Variants in CTNNA2 observed in about 807,000 individuals in gnomAD.
The protein encoded by CTNNA2 is catenin alpha-2.
In CTNNA2, 42 loss-of-function variants were observed where a neutral mutation model predicts 101.0. The observed-to-expected ratio is 0.42, with a 90% CI of 0.32 to 0.54. The LOEUF (loss-of-function observed/expected upper bound fraction) is 0.54. Among genes scored for constraint, CTNNA2 ranks in the 20% least tolerant of loss-of-function variants. The pLI, the probability that CTNNA2 is intolerant of heterozygous loss-of-function variation, is 0.14. For synonymous variants in CTNNA2, 450 were observed against 456.4 expected (o/e 0.99, Z 0.18); for missense variants, 871 against 1,223.1 (o/e 0.71, Z 4.29).
chr2:79,884,838 G>A (rs1313825665), intron 6 of CTNNA2, among the ~76,000 whole-genome samples: 2 of 150,040 alleles, frequency 1.3e-5, no homozygotes, highest in African/African-American at 4.9e-5. Context: ...ATGTTAACAT[G>A]AGCAGTGATG....
At chr2:79,746,458 A>G (rs1460037988) in intron 3 of CTNNA2, among the ~76,000 whole-genome samples, 2 of 152,196 alleles carry the variant, frequency 1.3e-5, no homozygotes, top group Non-Finnish European at 2.9e-5. Flanking sequence ...ATGAAATCAG[A>G]ACAGACACCT....
At chr2:79,827,818 G>A (rs1368956421) in intron 3 of CTNNA2, among the ~76,000 whole-genome samples, 1 of 152,186 alleles carries the variant, frequency 6.6e-6, no homozygotes, top group Non-Finnish European at 1.5e-5. Context: ...TTATCACACT[G>A]TCAGGTAGTC....
chr2:80,255,271 G>A (rs1057352047), intron 7 of CTNNA2, among the ~76,000 whole-genome samples: 6 of 152,028 alleles, frequency 3.9e-5, no homozygotes, highest in African/African-American at 1.4e-4. Context: ...TGAACCCAGG[G>A]GGTTAAGAAC....
At chr2:80,475,978 AC>A (rs1685698941) in intron 9 of CTNNA2, among the ~76,000 whole-genome samples, 1 of 152,138 alleles carries the variant, frequency 6.6e-6, no homozygotes, top group Admixed American at 6.5e-5. Context: ...ATGTTAGGGC[AC>A]AGATGGATTT....
intron 2 of CTNNA2, among the ~76,000 whole-genome samples, chr2:79,269,029 CAG>C (rs1398417497): frequency 6.6e-6 from 1 of 152,000 alleles, no homozygotes; most frequent in East Asian, 1.9e-4. Context: ...CAAGCCACCT[CAG>C]AGGGGCCAGA....
chr2:80,619,347 C>T (rs1213453630), intron 18 of CTNNA2, 119 bp downstream of exon 18: 1 of 1,128,162 alleles, frequency 8.9e-7, no homozygotes, highest in African/African-American at 1.6e-5. Context: ...TAATATTAAC[C>T]AACTTTGGGC....
intron 3 of CTNNA2, among the ~76,000 whole-genome samples, chr2:79,760,084 G>C (rs888339508): frequency 6.6e-6 from 1 of 152,100 alleles, no homozygotes; most frequent in Admixed American, 6.6e-5. Flanking sequence ...TAACTGTGTG[G>C]TGTTGGACAA....
At chr2:79,867,302 T>A (rs1315351402) in intron 4 of CTNNA2, among the ~76,000 whole-genome samples, 1 of 151,978 alleles carries the variant, frequency 6.6e-6, no homozygotes, top group African/African-American at 2.4e-5. Flanking sequence ...ACTAAACTTA[T>A]TTTTTCTTCT....
chr2:80,043,069 TTC>T (rs1696216589), intron 7 of CTNNA2, among the ~76,000 whole-genome samples: 1 of 54,272 alleles, frequency 1.8e-5, no homozygotes, highest in Non-Finnish European at 3.8e-5. Context: ...CTTTCTTTCT[TTC>T]TTTCTTTCTT....
At chr2:80,392,253 T>C (rs1677583903) in intron 7 of CTNNA2, among the ~76,000 whole-genome samples, 1 of 152,214 alleles carries the variant, frequency 6.6e-6, no homozygotes, top group Non-Finnish European at 1.5e-5. Flanking sequence ...CATGATTTTA[T>C]AGAGACTGAG....
intron 7 of CTNNA2, among the ~76,000 whole-genome samples, chr2:80,145,391 C>A (rs1703269451): frequency 6.6e-6 from 1 of 152,186 alleles, no homozygotes; most frequent in Admixed American, 6.5e-5. Context: ...GTTTCCCCTT[C>A]TCCCTTTGAT....
intron 1 of CTNNA2, among the ~76,000 whole-genome samples, chr2:79,561,824 A>C (rs895041273): frequency 6.6e-6 from 1 of 151,338 alleles, no homozygotes; most frequent in South Asian, 2.1e-4. Flanking sequence ...TTTATTATTG[A>C]GTTATAATAG....
intron 7 of CTNNA2, among the ~76,000 whole-genome samples, chr2:79,986,732 G>C (rs1193437337): frequency 3.3e-5 from 5 of 152,150 alleles, no homozygotes; most frequent in African/African-American, 4.8e-5. Flanking sequence ...GAGGAAGGTT[G>C]AGTGGAAATA....
At chr2:80,223,915 G>T (rs772869156) in intron 7 of CTNNA2, among the ~76,000 whole-genome samples, 5 of 152,176 alleles carry the variant, frequency 3.3e-5, no homozygotes, top group Admixed American at 6.5e-5. Flanking sequence ...TACCACACTT[G>T]AGTATATGCA....
intron 7 of CTNNA2, among the ~76,000 whole-genome samples, chr2:80,246,790 T>C (rs1671362118): frequency 6.6e-6 from 1 of 152,222 alleles, no homozygotes; most frequent in African/African-American, 2.4e-5. Flanking sequence ...GCACCACTTC[T>C]GGCATCTGCA....
intron 18 of CTNNA2, among the ~76,000 whole-genome samples, chr2:80,640,346 T>C (rs1022931881): frequency 6.6e-6 from 1 of 152,168 alleles, no homozygotes; most frequent in African/African-American, 2.4e-5. Flanking sequence ...TAATAATGCC[T>C]GCCATGGACA....
At chr2:80,301,605 GT>G (rs1442775829) in intron 7 of CTNNA2, among the ~76,000 whole-genome samples, 2 of 152,218 alleles carry the variant, frequency 1.3e-5, no homozygotes, top group African/African-American at 2.4e-5. Flanking sequence ...CCTGAAGGTG[GT>G]TAGATTGCAC....
chr2:80,449,231 C>T (rs1176245087), intron 9 of CTNNA2, among the ~76,000 whole-genome samples: 1 of 151,896 alleles, frequency 6.6e-6, no homozygotes, highest in Non-Finnish European at 1.5e-5. Context: ...GAGCTATGAT[C>T]AATCATGCCA....
At chr2:79,382,345 A>T (rs1159642078) in intron 4 of CTNNA2, among the ~76,000 whole-genome samples, 1 of 152,104 alleles carries the variant, frequency 6.6e-6, no homozygotes, top group Non-Finnish European at 1.5e-5. Flanking sequence ...CTCCGTAGTC[A>T]CATGAGCCAA....
Sources: allele counts gnomAD v4.1 joint callset (sites outside exome capture counted in the v4.1 genomes callset), GRCh38; gene constraint gnomAD v4.1.1; transcripts MANE v1.5; gene names NCBI Gene and HGNC (gene_info 2026-07-23, HGNC 2026-07-21).